The following PTPRQ variants were observed in gnomAD, a reference collection of about 807,000 sequenced individuals.
PTPRQ encodes the protein phosphatidylinositol phosphatase PTPRQ.
Under a neutral mutation model 246.0 loss-of-function variants are expected in PTPRQ, and 199 were observed. The ratio of observed to expected loss-of-function variants is 0.81; its 90% CI spans 0.72 to 0.91. The LOEUF (loss-of-function observed/expected upper bound fraction) is 0.91. Ranked by LOEUF, PTPRQ falls within the 40% of genes least tolerant of loss-of-function variation. PTPRQ has a pLI of 0.00. For synonymous variants in PTPRQ, 869 were observed against 853.2 expected (o/e 1.02, Z -0.32); for missense variants, 2,624 against 2,528.4 (o/e 1.04, Z -0.81).
At chr12:80,572,172 A>G (rs1897164692) in intron 25 of PTPRQ, among the ~76,000 whole-genome samples, 1 of 151,998 alleles carries the variant, frequency 6.6e-6, no homozygotes, top group African/African-American at 2.4e-5. Flanking sequence ...ATATGTTATT[A>G]TTTCTCCATT....
At chr12:80,461,404 T>A in intron 6 of PTPRQ, among the ~76,000 whole-genome samples, 1 of 152,254 alleles carries the variant, frequency 6.6e-6, no homozygotes, top group East Asian at 1.9e-4. Context: ...AGTACCTTCC[T>A]TAGGGTGCCA....
chr12:80,520,830 T>C (rs563629523), intron 17 of PTPRQ, among the ~76,000 whole-genome samples: 1 of 152,216 alleles, frequency 6.6e-6, no homozygotes, highest in South Asian at 2.1e-4. Context: ...TACGTGTGCA[T>C]GTGTCTTTAT....
At chr12:80,641,494 C>G (rs1334638770) in intron 35 of PTPRQ, among the ~76,000 whole-genome samples, 2 of 152,126 alleles carry the variant, frequency 1.3e-5, no homozygotes, top group Admixed American at 1.3e-4. Flanking sequence ...CAAGGAAGCC[C>G]GGTCTATTTC....
intron 26 of PTPRQ, among the ~76,000 whole-genome samples, chr12:80,589,321 G>T (rs1897716026): frequency 1.3e-5 from 2 of 152,086 alleles, no homozygotes; most frequent in Admixed American, 1.3e-4. Context: ...TGCCATTTCT[G>T]CCCCAGCCCT....
At chr12:80,514,402 A>ACACACTCT (rs552667526) in intron 17 of PTPRQ, among the ~76,000 whole-genome samples, 3,002 of 112,998 alleles carry the variant, frequency 0.027, 143 homozygotes, top group African/African-American at 0.091. Context: ...ACACACACAC[A>ACACACTCT]CTCTCTCTCT....
At chr12:80,489,197 T>A (rs1894370467) in intron 9 of PTPRQ, among the ~76,000 whole-genome samples, 1 of 152,062 alleles carries the variant, frequency 6.6e-6, no homozygotes, top group Admixed American at 6.6e-5. Context: ...TACCTGTCTT[T>A]TAATTTTCAT....
chr12:80,659,185 C>T (rs1900547268), intron 39 of PTPRQ, among the ~76,000 whole-genome samples: 1 of 151,918 alleles, frequency 6.6e-6, no homozygotes, highest in Non-Finnish European at 1.5e-5. Context: ...AACTTTAAAT[C>T]TGTATTTAAA....
chr12:80,571,238 G>A (rs929321030), intron 25 of PTPRQ, among the ~76,000 whole-genome samples: 2 of 152,088 alleles, frequency 1.3e-5, no homozygotes, highest in Non-Finnish European at 1.5e-5. Flanking sequence ...TCTGCCTCCC[G>A]GGTTCAAGTG....
chr12:80,624,824 G>A (rs920537269), intron 33 of PTPRQ, among the ~76,000 whole-genome samples: 1 of 152,106 alleles, frequency 6.6e-6, no homozygotes, highest in African/African-American at 2.4e-5. Flanking sequence ...GCTTTTCTAG[G>A]CCACATTGGA....
intron 25 of PTPRQ, among the ~76,000 whole-genome samples, chr12:80,581,911 T>G (rs1276111936): frequency 2.6e-5 from 4 of 152,222 alleles, no homozygotes; most frequent in Admixed American, 2.6e-4. Flanking sequence ...TTGCATACTC[T>G]GTTGGCTTGG....
rs1313940321 is a variant in PTPRQ at position 80,546,596 on chromosome 12, T to G, written c.3914T>G (p.Leu1305Arg). ...GFKTEAKLVG[L>R]EPVSTYSIRV... ...AAAACTGAAGCCAAACTTGTTGGAC[T>G]GGAACCAGTCAGCACCTACTCTATC... The change falls in exon 24 of 45, where the codon CTG becomes CGG. Residue 1305 changes from leucine to arginine, a missense_variant. Physicochemically the swap from Leu to Arg is moderately radical, Grantham distance 102 (BLOSUM62 -2). Coordinates refer to ENST00000644991, the MANE Select transcript of PTPRQ (RefSeq NM_001145026.2). 1 of 1,550,110 alleles carries G rather than the reference T, an allele frequency of 6.5e-7. No homozygotes were observed. Among genetic ancestry groups the G allele is most frequent in the Non-Finnish European group, 8.7e-7 (1 of 1,146,614 alleles).
chr12:80,488,940 T>A (rs965036575), intron 9 of PTPRQ, among the ~76,000 whole-genome samples: 1 of 152,042 alleles, frequency 6.6e-6, no homozygotes, highest in African/African-American at 2.4e-5. Context: ...CACACTTATA[T>A]ATGTATCTGA....
At chr12:80,450,829 C>T (rs1270219190) in intron 3 of PTPRQ, among the ~76,000 whole-genome samples, 2 of 152,114 alleles carry the variant, frequency 1.3e-5, no homozygotes, top group Non-Finnish European at 2.9e-5. Context: ...GGATATTGGT[C>T]TAAAATTCTC....
At chr12:80,573,992 A>G (rs1565794834) in intron 25 of PTPRQ, among the ~76,000 whole-genome samples, 1 of 152,206 alleles carries the variant, frequency 6.6e-6, no homozygotes, top group Non-Finnish European at 1.5e-5. Context: ...TTGAGAAGGA[A>G]ATGATAAAAT....
chr12:80,635,075 T>A lies in PTPRQ; in HGVS notation c.5915+2T>A, dbSNP rs1322420142. 4 of 1,550,436 alleles carry A rather than the reference T, an allele frequency of 2.6e-6. No individual in the cohort carries two copies. Among genetic ancestry groups the A allele is most frequent in the Non-Finnish European group, 3.5e-6 (4 of 1,146,472 alleles). On this transcript the variant is annotated splice_donor_variant, in intron 35 of 44. Coordinates refer to ENST00000644991, the MANE Select transcript of PTPRQ (RefSeq NM_001145026.2). LOFTEE classifies it high-confidence loss of function. ...ACTGAAGGACGAGAGATTAACGCGG[T>A]GAGCACACTCCTCTGGGTGAACTGT...
intron 24 of PTPRQ, among the ~76,000 whole-genome samples, chr12:80,548,229 T>C (rs773071663): frequency 2.0e-5 from 3 of 152,058 alleles, no homozygotes; most frequent in Non-Finnish European, 2.9e-5. Flanking sequence ...TTAAGTGTTT[T>C]AATATCAATG....
intron 16 of PTPRQ, among the ~76,000 whole-genome samples, chr12:80,509,408 G>T (rs1017314885): frequency 2.0e-5 from 3 of 151,994 alleles, no homozygotes; most frequent in Non-Finnish European, 4.4e-5. Context: ...TATTTCAATT[G>T]ACATTGTTTA....
Position 80,534,095 on chromosome 12 carries a change from G to A in PTPRQ, c.2759G>A (p.Ser920Asn), listed in dbSNP as rs1191167943. The stretch of plus-strand genomic sequence containing the variant: ...GATTTGGATTATAATGTTGAATACA[G>A]TGCTTATGTAACAGCTAGCACCAGA... ...LSDLDYNVEY[S>N]AYVTASTRFG... Residue 920 changes from serine to asparagine, a missense_variant, in exon 18 of 45, where the codon AGT becomes AAT. Coordinates refer to ENST00000644991, the MANE Select transcript of PTPRQ (RefSeq NM_001145026.2). 1.9e-6 allele frequency: 3 copies of A among 1,541,308 alleles called. No homozygotes were observed. The highest frequency in any genetic ancestry group is 2.6e-6 in the Non-Finnish European group (3 of 1,142,960).
chr12:80,653,057 G>A (rs1390745826), intron 38 of PTPRQ, among the ~76,000 whole-genome samples: 1 of 152,030 alleles, frequency 6.6e-6, no homozygotes, highest in Admixed American at 6.6e-5. Flanking sequence ...ACTTATGCAG[G>A]TGCAAGAAAC....
Sources: allele counts gnomAD v4.1 joint callset (sites outside exome capture counted in the v4.1 genomes callset), GRCh38; gene constraint gnomAD v4.1.1; transcripts MANE v1.5; gene names NCBI Gene and HGNC (gene_info 2026-07-23, HGNC 2026-07-21).